The following EFCAB11 variants were observed in gnomAD, a reference collection of about 807,000 sequenced individuals.
EFCAB11 encodes the protein EF-hand calcium binding domain 11.
A neutral mutation model predicts 23.0 loss-of-function variants in EFCAB11; 14 were observed. The ratio of observed to expected loss-of-function variants is 0.61; its 90% confidence interval spans 0.40 to 0.95. EFCAB11 has a LOEUF of 0.95. Ranked by LOEUF, EFCAB11 falls within the 40% of genes least tolerant of loss-of-function variation. The pLI, the probability that EFCAB11 is intolerant of heterozygous loss-of-function variation, is 0.00. For missense variants in EFCAB11, 198 were observed against 195.8 expected (o/e 1.01, Z -0.07); for synonymous variants, 65 against 66.6 (o/e 0.98, Z 0.11).
At chr14:89,814,790 T>C (rs1886276245) in intron 5 of EFCAB11, among the ~76,000 whole-genome samples, 1 of 152,118 alleles carries the variant, frequency 6.6e-6, no homozygotes, top group Non-Finnish European at 1.5e-5. Context: ...CTTTCCTACC[T>C]AGCATAGCAG....
intron 5 of EFCAB11, among the ~76,000 whole-genome samples, chr14:89,930,789 C>T (rs573764086): frequency 6.6e-6 from 1 of 152,032 alleles, no homozygotes. Context: ...TTTGAGTTTC[C>T]GTTCTTTTGG....
At chr14:89,839,596 A>G (rs1233741854) in intron 5 of EFCAB11, among the ~76,000 whole-genome samples, 2 of 152,188 alleles carry the variant, frequency 1.3e-5, no homozygotes, top group Non-Finnish European at 2.9e-5. Context: ...GGCAGCTTGT[A>G]TTAGTCAATT....
At chr14:89,947,433 G>C (rs1294595000) in intron 3 of EFCAB11, among the ~76,000 whole-genome samples, 1 of 151,934 alleles carries the variant, frequency 6.6e-6, no homozygotes, top group African/African-American at 2.4e-5. Flanking sequence ...TTGATCTATT[G>C]CCACTCTGGA....
chr14:89,928,919 A>T (rs2139803180), intron 5 of EFCAB11, among the ~76,000 whole-genome samples: 1 of 147,622 alleles, frequency 6.8e-6, no homozygotes, highest in Non-Finnish European at 1.5e-5. Context: ...TCCAATCATA[A>T]TTATATATTA....
At chr14:89,843,763 G>A (rs1887344953) in intron 5 of EFCAB11, among the ~76,000 whole-genome samples, 3 of 152,190 alleles carry the variant, frequency 2.0e-5, no homozygotes, top group African/African-American at 7.2e-5. Context: ...ATCAAAAAAT[G>A]TTTATTCACT....
chr14:89,919,185 TGAGA>T (rs890466242), intron 5 of EFCAB11, among the ~76,000 whole-genome samples: 49 of 138,344 alleles, frequency 3.5e-4, no homozygotes, highest in Non-Finnish European at 6.2e-4. Flanking sequence ...TCACACTTGA[TGAGA>T]GAGAGAGAGA....
chr14:89,878,634 T>C (rs1284789038), intron 5 of EFCAB11, among the ~76,000 whole-genome samples: 2 of 152,168 alleles, frequency 1.3e-5, no homozygotes, highest in East Asian at 3.8e-4. Flanking sequence ...CACAGCTTTA[T>C]ATATAAAGAA....
intron 5 of EFCAB11, among the ~76,000 whole-genome samples, chr14:89,900,532 G>A (rs1270673552): frequency 6.6e-6 from 1 of 152,180 alleles, no homozygotes; most frequent in African/African-American, 2.4e-5. Flanking sequence ...AGCCATGAGG[G>A]CTGCCTAAAA....
chr14:89,824,613 A>C (rs1886630823), intron 5 of EFCAB11, among the ~76,000 whole-genome samples: 1 of 152,112 alleles, frequency 6.6e-6, no homozygotes, highest in Non-Finnish European at 1.5e-5. Flanking sequence ...GAAAAAGCAG[A>C]CTCAACTGTA....
At chr14:89,902,997 T>C (rs1889388184) in intron 5 of EFCAB11, among the ~76,000 whole-genome samples, 1 of 152,212 alleles carries the variant, frequency 6.6e-6, no homozygotes, top group African/African-American at 2.4e-5. Context: ...TTCTAAAATG[T>C]GGTTCCTTCT....
chr14:89,922,486 G>A (rs922632465), intron 5 of EFCAB11, among the ~76,000 whole-genome samples: 1 of 152,198 alleles, frequency 6.6e-6, no homozygotes. Flanking sequence ...GTCCAGAGAG[G>A]TTCACTGATT....
At chr14:89,939,019 C>T (rs1184410792) in intron 3 of EFCAB11, among the ~76,000 whole-genome samples, 3 of 149,574 alleles carry the variant, frequency 2.0e-5, no homozygotes, top group Non-Finnish European at 4.4e-5. Context: ...AAATCTGAAC[C>T]AATAAAATCT....
intron 5 of EFCAB11, among the ~76,000 whole-genome samples, chr14:89,828,327 T>C (rs1886771488): frequency 1.3e-5 from 2 of 152,268 alleles, no homozygotes; most frequent in African/African-American, 4.8e-5. Context: ...TGGTTTAACA[T>C]TATTAGCTGA....
intron 5 of EFCAB11, among the ~76,000 whole-genome samples, chr14:89,926,475 T>A (rs996012070): frequency 1.3e-5 from 2 of 151,988 alleles, no homozygotes; most frequent in Non-Finnish European, 2.9e-5. Context: ...AACAAAAGGA[T>A]ATGAGACATC....
In EFCAB11 at chr14:89,795,718, T is replaced by C. The variant is rs1885555961; in HGVS notation, c.*1525A>G. On this transcript the variant is annotated 3_prime_UTR_variant, in exon 6 of 6. Transcript: ENST00000316738. ...ATTAAGGTTATCTGCTAATAATTTG[T>C]ATGATAATGACGCTTAATGTTTCCA... 1 of 152,232 alleles carries C rather than the reference T, an allele frequency of 6.6e-6. No individual in the cohort carries two copies. The highest frequency in any genetic ancestry group is 1.5e-5 in the Non-Finnish European group (1 of 68,042). The allele number at this position is 152,232 out of a possible 1,614,324, so 9.4% of individuals were successfully genotyped here. A position where few individuals can be genotyped will look rare whatever the true frequency, so the allele number is the denominator to read the frequency against.
intron 5 of EFCAB11, among the ~76,000 whole-genome samples, chr14:89,804,805 G>A (rs1358757705): frequency 2.6e-5 from 4 of 152,106 alleles, no homozygotes; most frequent in African/African-American, 9.7e-5. Flanking sequence ...GAAGTTTGAA[G>A]TTCCAAGCAA....
intron 3 of EFCAB11, among the ~76,000 whole-genome samples, chr14:89,944,211 G>T (rs1890888478): frequency 6.6e-6 from 1 of 152,208 alleles, no homozygotes; most frequent in African/African-American, 2.4e-5. Context: ...AAGGCAAAGA[G>T]GAGCAAGTCA....
intron 5 of EFCAB11, among the ~76,000 whole-genome samples, chr14:89,902,963 T>A (rs1194919135): frequency 6.6e-6 from 1 of 152,220 alleles, no homozygotes; most frequent in Non-Finnish European, 1.5e-5. Context: ...AAACACAATG[T>A]GAACATATTA....
intron 5 of EFCAB11, among the ~76,000 whole-genome samples, chr14:89,889,117 A>G (rs1409111367): frequency 6.6e-6 from 1 of 152,238 alleles, no homozygotes; most frequent in Admixed American, 6.5e-5. Flanking sequence ...TGATTTTTCA[A>G]ATCTGAAAAT....
Sources: gnomAD v4.1 joint callset for allele counts (sites outside exome capture counted in the v4.1 genomes callset) on GRCh38, gnomAD v4.1.1 for gene constraint, MANE v1.5 for transcripts, NCBI Gene and HGNC (gene_info 2026-07-23, HGNC 2026-07-21) for gene names.